The following MARK2 variants were observed in gnomAD, a reference collection of about 807,000 sequenced individuals.
MARK2 encodes the protein serine/threonine-protein kinase MARK2.
In MARK2, 16 loss-of-function variants were observed where a neutral mutation model predicts 89.8. That is an observed-to-expected ratio of 0.18 (90% CI 0.12 to 0.27). The LOEUF (loss-of-function observed/expected upper bound fraction) is 0.27. Ranked by LOEUF, MARK2 falls within the 10% of genes least tolerant of loss-of-function variation. The probability of loss-of-function intolerance (pLI) is 1.00; values close to 1 mark genes in which losing one functional copy is unlikely to be tolerated. For missense variants in MARK2, 621 were observed against 1,049.9 expected, an observed-to-expected ratio of 0.59 and a Z score of 5.65; for synonymous variants, 382 against 399.5, an observed-to-expected ratio of 0.96 and a Z score of 0.52.
chr11:63,882,362 T>A (rs139598198), intron 1 of MARK2, among the ~76,000 whole-genome samples: 63 of 152,188 alleles, frequency 4.1e-4, no homozygotes, highest in African/African-American at 1.5e-3. Flanking sequence ...GCTGGGCGGA[T>A]CACCTGAGAT....
At chr11:63,846,657 ATT>A (rs1302877853) in intron 1 of MARK2, among the ~76,000 whole-genome samples, 5 of 134,876 alleles carry the variant, frequency 3.7e-5, no homozygotes, top group Non-Finnish European at 1.6e-5. Flanking sequence ...GCCAAAAAAA[ATT>A]TTTTTTTTTT....
intron 1 of MARK2, among the ~76,000 whole-genome samples, chr11:63,851,843 C>G (rs1383987815): frequency 6.6e-6 from 1 of 152,056 alleles, no homozygotes; most frequent in Non-Finnish European, 1.5e-5. Flanking sequence ...GGACAGCATT[C>G]TGGTTTCCCT....
In MARK2 at chr11:63,908,297, A is replaced by G. The variant is rs1329790845; in HGVS notation, c.1999A>G (p.Thr667Ala). 4.5e-6 allele frequency: 7 copies of G among 1,563,064 alleles called. No homozygotes were observed. Among genetic ancestry groups the G allele is most frequent in the Non-Finnish European group, 6.1e-6 (7 of 1,153,050 alleles). ...ACCTGAAAGCAAAGACCGAGTGGAG[A>G]CGCTCAGGTGAGAGGGCTGGAGCCA... ...NEPESKDRVE[T>A]LRPHVVGSGG... Residue 667 changes from threonine (T) to alanine (A), a missense_variant, in exon 18 of 19, where the codon ACG (threonine) becomes GCG (alanine). Coordinates refer to ENST00000402010, the MANE Select transcript of MARK2 (RefSeq NM_001039469.3).
intron 1 of MARK2, among the ~76,000 whole-genome samples, chr11:63,859,813 G>A (rs989645385): frequency 1.3e-5 from 2 of 151,956 alleles, no homozygotes; most frequent in African/African-American, 4.8e-5. Context: ...TGTATTTTTA[G>A]TAGAGACAGG....
chr11:63,864,644 G>A (rs61886128), intron 1 of MARK2, among the ~76,000 whole-genome samples: 92,821 of 150,266 alleles, frequency 0.62, 29,086 homozygotes, highest in East Asian at 0.94. Context: ...ACTGTCACCC[G>A]CCTTGGCCTC....
At chr11:63,891,698 A>T (rs1194323516) in intron 1 of MARK2, among the ~76,000 whole-genome samples, 2 of 152,272 alleles carry the variant, frequency 1.3e-5, no homozygotes, top group African/African-American at 2.4e-5. Flanking sequence ...GTTGCCAAGG[A>T]AACTTTCCCA....
At position 63,902,037 on chromosome 11, in the gene MARK2, G is replaced by A. The variant is rs1940936178; in HGVS notation, c.1102-161G>A. On this transcript the variant is annotated intron_variant, in intron 11 of 18. Coordinates refer to ENST00000402010, the MANE Select transcript of MARK2 (RefSeq NM_001039469.3). The surrounding 1 kb of genome is among the most constrained non-coding windows in gnomAD (Gnocchi z 4.2). ...TGTGTCAGAGCATGTGTGTCTCCAG[G>A]GTCTCCTCCAGGGGGGATGTATTGG... Among the ~76,000 whole-genome samples the A allele has an allele frequency of 6.6e-6, 1 of 152,074 alleles. No homozygotes were observed. The highest frequency in any genetic ancestry group is 1.5e-5 in the Non-Finnish European group (1 of 68,012).
rs768732746 is a variant in MARK2 at position 63,839,183 on chromosome 11, C to G, written c.-324C>G. The G allele has an allele frequency of 2.1e-4, 45 of 209,302 alleles. No individual in the cohort carries two copies. The highest frequency in any genetic ancestry group is 3.3e-4 in the Non-Finnish European group (35 of 106,986). 13.0% of individuals were successfully genotyped at this position (209,302 alleles called of 1,614,324 possible). A position where few individuals can be genotyped will look rare whatever the true frequency, so the allele number is the denominator to read the frequency against. On this transcript the variant is annotated 5_prime_UTR_variant, in exon 1 of 19. Coordinates refer to ENST00000402010, the MANE Select transcript of MARK2 (RefSeq NM_001039469.3). ...CTGTGTGCCGGGCGCGGAGCAGTGC[C>G]GCTGAGGGCAGGGGAGGAGCGAGGC...
At chr11:63,844,688 A>G (rs921255708) in intron 1 of MARK2, among the ~76,000 whole-genome samples, 1 of 152,200 alleles carries the variant, frequency 6.6e-6, no homozygotes, top group Middle Eastern at 3.2e-3. Flanking sequence ...CCTATGAGGT[A>G]GGAAAAGATT....
chr11:63,908,356 C>T (rs1304851469), intron 18 of MARK2, 52 bp downstream of exon 18: 2 of 1,432,882 alleles, frequency 1.4e-6, no homozygotes, highest in Admixed American at 2.0e-5. Context: ...GGGCTTGCCA[C>T]AGCCTCCTGC....
At position 63,900,059 on chromosome 11, in the gene MARK2, C is replaced by T. The variant is rs763016757; in HGVS notation, c.717C>T (p.Ile239=). 6.2e-7 allele frequency: 1 copy of T among 1,614,134 alleles called. No individual in the cohort carries two copies. Among genetic ancestry groups the T allele is most frequent in the East Asian group, 2.2e-5 (1 of 44,880 alleles). ...TGGATGTGTGGAGCCTAGGAGTTATCCTCTATACACTGGTCAGCGGATCCC... is the reference window on the plus strand; with the variant it reads ...TGGATGTGTGGAGCCTAGGAGTTATTCTCTATACACTGGTCAGCGGATCCC... ...PEVDVWSLGV[I]LYTLVSGSLP... Residue 239 remains isoleucine (I), a synonymous_variant, in exon 8 of 19, where the codon ATC becomes ATT. Coordinates refer to ENST00000402010, the MANE Select transcript of MARK2 (RefSeq NM_001039469.3). This position sits in a 1 kb window ranked among gnomAD's most constrained non-coding sequence, Gnocchi z 4.7.
intron 1 of MARK2, among the ~76,000 whole-genome samples, chr11:63,891,138 CT>C (rs199683250): frequency 0.013 from 1,885 of 144,380 alleles, 18 homozygotes; most frequent in East Asian, 0.048. Flanking sequence ...TAAATATATT[CT>C]TTTTTTTTTT....
chr11:63,840,001 C>T (rs562719263), intron 1 of MARK2, among the ~76,000 whole-genome samples: 2 of 152,308 alleles, frequency 1.3e-5, no homozygotes, highest in Non-Finnish European at 2.9e-5. Flanking sequence ...CCGCCCGCAC[C>T]GGTTCTGCCA....
chr11:63,872,951 C>T (rs1269479059), intron 1 of MARK2, among the ~76,000 whole-genome samples: 1 of 135,138 alleles, frequency 7.4e-6, no homozygotes, highest in Non-Finnish European at 1.6e-5. Context: ...CAGAGCGGGA[C>T]TCAGTCCACC....
chr11:63,852,767 G>A (rs2016636363), intron 1 of MARK2, among the ~76,000 whole-genome samples: 1 of 151,948 alleles, frequency 6.6e-6, no homozygotes, highest in South Asian at 2.1e-4. Flanking sequence ...CGTCTTATGC[G>A]ACAGAACATT....
Position 63,860,544 on chromosome 11 carries a change from T to A in MARK2, c.54+20984T>A, listed in dbSNP as rs536468758. 5.9e-5 allele frequency among the ~76,000 whole-genome samples: 8 copies of A among 136,472 alleles called. No homozygotes were observed. The South Asian group carries it at 1.8e-3, about 31-fold the overall frequency. The allele number at this position is 136,472 out of a possible 152,430, so 89.5% of individuals were successfully genotyped here. On this transcript the variant is annotated intron_variant, in intron 1 of 18. Coordinates refer to ENST00000402010, the MANE Select transcript of MARK2 (RefSeq NM_001039469.3). ...TGTAGCCTGGGTGACAGAGACTCCC[T>A]CTCAAAAAAAAAAAAATAAATAGAA...
chr11:63,841,244 A>G (rs1447171170), intron 1 of MARK2, among the ~76,000 whole-genome samples: 1 of 151,702 alleles, frequency 6.6e-6, no homozygotes, highest in African/African-American at 2.4e-5. Context: ...GTGTTTTTCT[A>G]TTTTGTTACC....
intron 1 of MARK2, among the ~76,000 whole-genome samples, chr11:63,878,736 T>C (rs1480040639): frequency 6.6e-6 from 1 of 152,026 alleles, no homozygotes; most frequent in Non-Finnish European, 1.5e-5. Flanking sequence ...CTGCTGCCCA[T>C]GGTGCTTGGA....
Position 63,903,050 on chromosome 11 carries a change from AT to A in MARK2, c.1417-9del. 1 of 1,612,376 alleles carries A rather than the reference AT, an allele frequency of 6.2e-7. No homozygotes were observed. Among genetic ancestry groups the A allele is most frequent in the Non-Finnish European group, 8.5e-7 (1 of 1,178,588 alleles). ...CTTTCTGATAGAACGCTTGCCCTTT[AT>A]TCCCCACAGAACAGCGTCCTCTCCA... On this transcript the variant is annotated splice_polypyrimidine_tract_variant and intron_variant, in intron 13 of 18. Transcript: ENST00000402010. This position sits in a 1 kb window ranked among gnomAD's most constrained non-coding sequence, Gnocchi z 5.1.
Sources: gnomAD v4.1 joint callset for allele counts (sites outside exome capture counted in the v4.1 genomes callset) on GRCh38, gnomAD v4.1.1 for gene constraint, Gnocchi (gnomAD v3.1) non-coding constraint, MANE v1.5 for transcripts, NCBI Gene and HGNC (gene_info 2026-07-23, HGNC 2026-07-21) for gene names.